STAG1: variants seen among roughly 807,000 people sequenced by gnomAD.
STAG1 encodes the protein STAG1 cohesin complex component, also known as cohesin subunit SA-1.
A neutral mutation model predicts 170.9 loss-of-function variants in STAG1; 26 were observed. The ratio of observed to expected loss-of-function variants is 0.15; its 90% CI spans 0.11 to 0.21. STAG1 has a LOEUF of 0.21. Ranked by LOEUF, STAG1 falls within the 10% of genes least tolerant of loss-of-function variation. STAG1 has a pLI of 1.00. For synonymous variants in STAG1, 514 were observed against 497.7 expected, an observed-to-expected ratio of 1.03 and a Z score of -0.44; for missense variants, 964 against 1,509.5, an observed-to-expected ratio of 0.64 and a Z score of 5.99.
At chr3:136,383,693 C>T (rs1041161381) in intron 22 of STAG1, among the ~76,000 whole-genome samples, 3 of 152,242 alleles carry the variant, frequency 2.0e-5, no homozygotes, top group East Asian at 3.9e-4. Context: ...CGGTGGCTCA[C>T]GCCTGTAATC....
intron 13 of STAG1, among the ~76,000 whole-genome samples, chr3:136,462,427 A>C (rs1490017163): frequency 1.3e-5 from 2 of 152,184 alleles, no homozygotes; most frequent in African/African-American, 4.8e-5. Context: ...TAAGTGAATT[A>C]AGCCAAGCAC....
rs538143735 is a variant in STAG1, at chr3:136,531,237, A to G, written c.472-9820T>C. Among the ~76,000 whole-genome samples the G allele has an allele frequency of 7.4e-3, 1,108 of 150,162 alleles. 16 individuals carry two copies. Among genetic ancestry groups the G allele is most frequent in the African/African-American group, 0.025 (999 of 40,664 alleles). On this transcript the variant is annotated intron_variant, in intron 6 of 33. Transcript: ENST00000383202. ...ACCATCTCACACCAGTTAGAATGGC[A>G]ATCATTAAAAAGTCAGGAAACAACA... is the stretch of plus-strand genomic sequence containing the variant.
At chr3:136,675,990 C>T (rs1182149492) in intron 1 of STAG1, among the ~76,000 whole-genome samples, 2 of 152,212 alleles carry the variant, frequency 1.3e-5, no homozygotes, top group Non-Finnish European at 2.9e-5. Context: ...CACACCTAAG[C>T]TATATGGTAT....
At chr3:136,493,824 C>T (rs1462049549) in intron 9 of STAG1, among the ~76,000 whole-genome samples, 1 of 151,938 alleles carries the variant, frequency 6.6e-6, no homozygotes, top group East Asian at 1.9e-4. Context: ...ACAAATCACA[C>T]AAGAATAAAT....
At chr3:136,537,392 G>A (rs984747260) in intron 6 of STAG1, among the ~76,000 whole-genome samples, 4 of 152,010 alleles carry the variant, frequency 2.6e-5, no homozygotes, top group African/African-American at 9.7e-5. Flanking sequence ...ACTCAAAGGA[G>A]CTGACAGTAG....
Position 136,396,520 on chromosome 3 carries a change from CTTTTTTT to C in STAG1, c.2277+2222_2277+2228del, listed in dbSNP as rs146270857. On this transcript the variant is annotated intron_variant, in intron 22 of 33. Transcript: ENST00000383202. Reference sequence around the variant, plus strand: ...ACAGGCGTGAGCCACCGCGCCTGGCCTTTTTTTTTTTTTTTTTTTTTTTTTTGGAGAC... The same window carrying C: ...ACAGGCGTGAGCCACCGCGCCTGGCCTTTTTTTTTTTTTTTTTTTGGAGAC... Among the ~76,000 whole-genome samples the C allele has an allele frequency of 8.9e-3, 389 of 43,644 alleles. 4 individuals are homozygous for C. Among genetic ancestry groups the C allele is most frequent in the Non-Finnish European group, 0.012 (332 of 27,134 alleles). The allele number at this position is 43,644 out of a possible 152,430, so 28.6% of individuals were successfully genotyped here.
At chr3:136,715,079 G>A (rs1943502148) in intron 1 of STAG1, among the ~76,000 whole-genome samples, 1 of 144,536 alleles carries the variant, frequency 6.9e-6, no homozygotes, top group Non-Finnish European at 1.5e-5. Context: ...GGTACCGTAT[G>A]AAATACAAAG....
At chr3:136,418,252 C>T (rs1170407149) in intron 20 of STAG1, among the ~76,000 whole-genome samples, 7 of 150,460 alleles carry the variant, frequency 4.7e-5, no homozygotes, top group African/African-American at 1.2e-4. Context: ...CCCAGCTACT[C>T]GGGAGGCTGA....
intron 6 of STAG1, among the ~76,000 whole-genome samples, chr3:136,531,907 T>TAA (rs58322006): frequency 5.2e-4 from 47 of 90,318 alleles, no homozygotes; most frequent in South Asian, 1.4e-3. Flanking sequence ...ACTTAAAGTA[T>TAA]AAAAAAAAAA....
At position 136,337,418 on chromosome 3, in the gene STAG1, C is replaced by CTTTA. The variant is rs1418948268; in HGVS notation, c.*832_*835dup. ...AATCATTTTCGTTTTACTGAGAATA[C>CTTTA]TTTATTTGCTGGTAGAAGTTGCTAA... is the stretch of plus-strand genomic sequence containing the variant. On this transcript the variant is annotated 3_prime_UTR_variant, in exon 34 of 34. Coordinates refer to ENST00000383202, the MANE Select transcript of STAG1 (RefSeq NM_005862.3). 1 of 152,544 alleles carries CTTTA rather than the reference C, an allele frequency of 6.6e-6. No individual in the cohort carries two copies. Among genetic ancestry groups the CTTTA allele is most frequent in the Non-Finnish European group, 1.5e-5 (1 of 68,012 alleles). 9.4% of individuals were successfully genotyped at this position (152,544 alleles called of 1,614,324 possible). A position where few individuals can be genotyped will look rare whatever the true frequency, so the allele number is the denominator to read the frequency against.
chr3:136,373,400 G>A (rs887876811), intron 23 of STAG1, among the ~76,000 whole-genome samples: 1 of 152,112 alleles, frequency 6.6e-6, no homozygotes, highest in African/African-American at 2.4e-5. Context: ...GCTTTTGAAT[G>A]TGCTTGCTCT....
At chr3:136,598,183 T>C (rs564415844) in intron 4 of STAG1, among the ~76,000 whole-genome samples, 1 of 152,286 alleles carries the variant, frequency 6.6e-6, no homozygotes, top group South Asian at 2.1e-4. Context: ...TTGGGTTTAG[T>C]TGACCTTCTT....
intron 1 of STAG1, among the ~76,000 whole-genome samples, chr3:136,652,240 C>T (rs1941243371): frequency 6.6e-6 from 1 of 152,090 alleles, no homozygotes; most frequent in African/African-American, 2.4e-5. Flanking sequence ...TGTTAAAAGA[C>T]AAATATACTC....
chr3:136,605,476 C>T (rs549248841), intron 3 of STAG1, among the ~76,000 whole-genome samples: 32 of 152,302 alleles, frequency 2.1e-4, no homozygotes, highest in South Asian at 8.3e-4. Context: ...GTGACACCAA[C>T]GTTGCTAAAT....
intron 26 of STAG1, 33 bp from the exon 27 acceptor site, chr3:136,359,329 T>C (rs748748650): frequency 4.0e-6 from 6 of 1,487,636 alleles, no homozygotes; most frequent in Non-Finnish European, 5.4e-6. Context: ...AAAAAACCTA[T>C]AGCTCAGAAT....
chr3:136,435,128 C>T (rs1576462701), intron 15 of STAG1, among the ~76,000 whole-genome samples: 1 of 152,168 alleles, frequency 6.6e-6, no homozygotes, highest in East Asian at 1.9e-4. Context: ...ATTCAACCAA[C>T]TTGAATATAT....
At chr3:136,607,819 A>G (rs1939039540) in intron 3 of STAG1, among the ~76,000 whole-genome samples, 1 of 152,164 alleles carries the variant, frequency 6.6e-6, no homozygotes, top group Non-Finnish European at 1.5e-5. Flanking sequence ...GTGGTTTTTC[A>G]TTTCTTTTTT....
intron 1 of STAG1, among the ~76,000 whole-genome samples, chr3:136,725,854 C>T (rs1933634689): frequency 6.6e-6 from 1 of 152,200 alleles, no homozygotes; most frequent in East Asian, 1.9e-4. Context: ...AAAATCAGAA[C>T]ACTTCATTCC....
chr3:136,641,322 A>G (rs1033907383), intron 1 of STAG1, among the ~76,000 whole-genome samples: 4 of 152,222 alleles, frequency 2.6e-5, no homozygotes, highest in African/African-American at 7.2e-5. Context: ...AAACGTATTA[A>G]AAGAACTTAC....
Sources: gnomAD v4.1 joint callset for allele counts (sites outside exome capture counted in the v4.1 genomes callset) on GRCh38, gnomAD v4.1.1 for gene constraint, MANE v1.5 for transcripts, NCBI Gene and HGNC (gene_info 2026-07-23, HGNC 2026-07-21) for gene names.